MCC: variants seen among roughly 807,000 people sequenced by gnomAD.
MCC encodes colorectal mutant cancer protein.
MCC carries 90 observed loss-of-function variants against 116.2 expected under a neutral mutation model. The ratio of observed to expected loss-of-function variants is 0.77; its 90% CI spans 0.65 to 0.92. MCC has a LOEUF of 0.92. Ranked by LOEUF, MCC falls within the 40% of genes least tolerant of loss-of-function variation. The pLI is 0.00. For missense variants in MCC, 1,516 were observed against 1,312.2 expected, an observed-to-expected ratio of 1.16 and a Z score of -2.40; for synonymous variants, 578 against 510.5, an observed-to-expected ratio of 1.13 and a Z score of -1.78.
intron 8 of MCC, among the ~76,000 whole-genome samples, chr5:113,100,805 G>A (rs1370113373): frequency 6.6e-6 from 1 of 152,124 alleles, no homozygotes. Flanking sequence ...CTTTATCTGT[G>A]TACAAAATTA....
At chr5:113,373,610 T>G (rs916872411) in intron 2 of MCC, among the ~76,000 whole-genome samples, 5 of 152,222 alleles carry the variant, frequency 3.3e-5, no homozygotes, top group African/African-American at 9.6e-5. Context: ...AGAAGAACTC[T>G]TGTTCGCTCC....
intron 5 of MCC, among the ~76,000 whole-genome samples, chr5:113,141,400 G>A (rs1304023211): frequency 6.6e-6 from 1 of 152,206 alleles, no homozygotes; most frequent in Non-Finnish European, 1.5e-5. Context: ...AATCACATGA[G>A]CCAATCTTCC....
chr5:113,144,486 T>A (rs78965418), intron 4 of MCC, among the ~76,000 whole-genome samples: 42 of 152,324 alleles, frequency 2.8e-4, no homozygotes, highest in Middle Eastern at 3.4e-3. Context: ...GGTTGGCATC[T>A]CCAGTGAGAG....
intron 2 of MCC, among the ~76,000 whole-genome samples, chr5:113,375,423 G>A (rs1298894196): frequency 6.6e-6 from 1 of 152,108 alleles, no homozygotes; most frequent in Non-Finnish European, 1.5e-5. Flanking sequence ...AATTCTCTAT[G>A]TGTTTCATGT....
chr5:113,394,022 T>A (rs1769465087), intron 1 of MCC, among the ~76,000 whole-genome samples: 1 of 152,226 alleles, frequency 6.6e-6, no homozygotes, highest in Admixed American at 6.5e-5. Flanking sequence ...TATCTTCAAT[T>A]AAGTAGCAAT....
chr5:113,275,671 A>G (rs1765793399), intron 3 of MCC, among the ~76,000 whole-genome samples: 2 of 152,194 alleles, frequency 1.3e-5, no homozygotes, highest in South Asian at 4.1e-4. Flanking sequence ...AATACAAATA[A>G]AGAAACAAGA....
At position 113,434,014 on chromosome 5, in the gene MCC, C is replaced by T. The variant is rs1404433291; in HGVS notation, c.171-48802G>A. The T allele has an allele frequency of 1.9e-6, 3 of 1,613,918 alleles. No individual in the cohort carries two copies. In the African/African-American group the frequency reaches 4.0e-5, roughly 22 times the overall value. On this transcript the variant is annotated intron_variant, in intron 1 of 18. Transcript: ENST00000408903. This position sits in a 1 kb window ranked among gnomAD's most constrained non-coding sequence, Gnocchi z 4.2. ...ATGGCCACAGAGGGAGATCCCCGTG[C>T]CTTGGGCTGCATCCAGCAGTGGCTG...
At position 113,082,912 on chromosome 5, in the gene MCC, T is replaced by C. The variant is rs1262317753; in HGVS notation, c.1732A>G (p.Ile578Val). The C allele has an allele frequency of 1.2e-6, 2 of 1,614,128 alleles. No individual in the cohort carries two copies. The highest frequency in any genetic ancestry group is 1.7e-5 in the Admixed American group (1 of 60,012). Residue 578 changes from isoleucine (I) to valine (V), a missense_variant, in exon 11 of 19, where the codon ATC becomes GTC. Physicochemically the swap from Ile to Val is conservative, Grantham distance 29. Transcript: ENST00000408903. ...AACTCTCTAATCTTGCTTTCTGAGA[T>C]GGCAGATCCGTGTGAGTAGAGTGTT... Reference protein sequence around the residue: ...FQTLYSHGSAISESKIREFEV... With the variant: ...FQTLYSHGSAVSESKIREFEV...
intron 17 of MCC, among the ~76,000 whole-genome samples, chr5:113,035,135 A>G (rs114029328): frequency 6.6e-6 from 1 of 152,226 alleles, no homozygotes; most frequent in African/African-American, 2.4e-5. Context: ...GACCTCCAAC[A>G]GCCACTCTCT....
chr5:113,059,231 G>C (rs754682689), intron 14 of MCC, among the ~76,000 whole-genome samples: 21 of 152,170 alleles, frequency 1.4e-4, no homozygotes, highest in Non-Finnish European at 2.8e-4. Flanking sequence ...AGTGGAGAAA[G>C]TTTAATTTCA....
At chr5:113,188,152 T>C (rs1340213855) in intron 3 of MCC, among the ~76,000 whole-genome samples, 3 of 152,172 alleles carry the variant, frequency 2.0e-5, no homozygotes, top group African/African-American at 7.2e-5. Context: ...ACAACGAATA[T>C]AGCCTATATC....
At chr5:113,430,720 T>C (rs1770611579) in intron 1 of MCC, among the ~76,000 whole-genome samples, 1 of 152,100 alleles carries the variant, frequency 6.6e-6, no homozygotes, top group South Asian at 2.1e-4. Flanking sequence ...TGGGGTCTGG[T>C]TGAATGTGAA....
intron 2 of MCC, among the ~76,000 whole-genome samples, chr5:113,380,348 G>T (rs902029098): frequency 3.3e-5 from 5 of 152,152 alleles, no homozygotes; most frequent in Admixed American, 2.0e-4. Context: ...CCATTCGATG[G>T]CTTCCAAACT....
chr5:113,183,572 T>C (rs1344587031), intron 3 of MCC, among the ~76,000 whole-genome samples: 4 of 152,094 alleles, frequency 2.6e-5, no homozygotes, highest in South Asian at 4.1e-4. Flanking sequence ...GGGACATTCA[T>C]TGGCTGCATC....
intron 11 of MCC, among the ~76,000 whole-genome samples, chr5:113,073,853 G>C (rs186889738): frequency 6.6e-6 from 1 of 152,312 alleles, no homozygotes; most frequent in African/African-American, 2.4e-5. Context: ...CACTGCTGAG[G>C]GTTGAGTAGG....
rs147926667 is a variant in MCC, at chr5:113,176,902, C to T, written c.628-25480G>A. On this transcript the variant is annotated intron_variant, in intron 3 of 18. Coordinates refer to ENST00000408903, the MANE Select transcript of MCC (RefSeq NM_001085377.2). ...CCACTGCTTGTCTAGATTGCAGGAA[C>T]AGTGTCTTCACTGGTTCCCTACATC... Among the ~76,000 whole-genome samples, 1,344 of 152,276 alleles carry T rather than the reference C, an allele frequency of 8.8e-3. 11 individuals carry two copies. The highest frequency in any genetic ancestry group is 0.012 in the Non-Finnish European group (789 of 68,024).
rs1254618560 is a variant in MCC at position 113,440,765 on chromosome 5, A to G, written c.170+47480T>C. Among the ~76,000 whole-genome samples, 3 of 152,288 alleles carry G rather than the reference A, an allele frequency of 2.0e-5. No individual in the cohort carries two copies. In the East Asian group the frequency reaches 5.8e-4, roughly 29 times the overall value. On this transcript the variant is annotated intron_variant, in intron 1 of 18. Transcript: ENST00000408903. ...ATCTGTTGGCAAACGAAGAAAGAAGAGGAGGAAGAAGGAACAGGAAAAAGA... is the reference window on the plus strand; with the variant it reads ...ATCTGTTGGCAAACGAAGAAAGAAGGGGAGGAAGAAGGAACAGGAAAAAGA...
intron 1 of MCC, among the ~76,000 whole-genome samples, chr5:113,399,260 C>T (rs956915401): frequency 2.4e-4 from 37 of 152,072 alleles, no homozygotes; most frequent in African/African-American, 8.5e-4. Flanking sequence ...CCGAGGCAGG[C>T]GGATCACGAG....
At chr5:113,403,616 G>A (rs1368094471) in intron 1 of MCC, among the ~76,000 whole-genome samples, 1 of 152,162 alleles carries the variant, frequency 6.6e-6, no homozygotes, top group African/African-American at 2.4e-5. Flanking sequence ...TGAGAGAGAG[G>A]TGGTAAAGTT....
Sources: gnomAD v4.1 joint callset for allele counts (sites outside exome capture counted in the v4.1 genomes callset) on GRCh38, gnomAD v4.1.1 for gene constraint, Gnocchi (gnomAD v3.1) non-coding constraint, MANE v1.5 for transcripts, NCBI Gene and HGNC (gene_info 2026-07-23, HGNC 2026-07-21) for gene names.